DCP1B: variants seen among roughly 807,000 people sequenced by gnomAD.
The protein encoded by DCP1B is decapping mRNA 1B.
In DCP1B, 47 loss-of-function variants were observed where a neutral mutation model predicts 60.5. The observed-to-expected ratio is 0.78, with a 90% confidence interval of 0.61 to 0.99. The LOEUF (loss-of-function observed/expected upper bound fraction) is 0.99, where lower values mean the gene tolerates loss of function less well. Ranked by LOEUF, DCP1B falls within the 50% of genes least tolerant of loss-of-function variation. The pLI is 0.00. For missense variants in DCP1B, 725 were observed against 756.8 expected, an observed-to-expected ratio of 0.96 and a Z score of 0.49; for synonymous variants, 267 against 280.3, an observed-to-expected ratio of 0.95 and a Z score of 0.47.
intron 3 of DCP1B, among the ~76,000 whole-genome samples, chr12:1,988,740 T>A (rs1285563424): frequency 6.6e-6 from 1 of 152,232 alleles, no homozygotes; most frequent in African/African-American, 2.4e-5. Context: ...GCAACTTTTA[T>A]GAAGATGGCC....
chr12:1,955,852 A>AACG (rs1330207724), intron 5 of DCP1B, among the ~76,000 whole-genome samples: 267 of 152,346 alleles, frequency 1.8e-3, no homozygotes, highest in African/African-American at 6.0e-3. Flanking sequence ...TCTGTGCTTA[A>AACG]TATATTGACT....
At position 1,992,940 on chromosome 12, in the gene DCP1B, C is replaced by T. The variant is rs918937239; in HGVS notation, c.319+324G>A. The T allele has an allele frequency of 3.6e-5, 21 of 590,876 alleles. No individual in the cohort carries two copies. In the Admixed American group the frequency reaches 6.3e-4, roughly 18 times the overall value. The allele number at this position is 590,876 out of a possible 1,614,324, so 36.6% of individuals were successfully genotyped here. A position where few individuals can be genotyped will look rare whatever the true frequency, so the allele number is the denominator to read the frequency against. On this transcript the variant is annotated intron_variant, in intron 3 of 8. Coordinates refer to ENST00000280665, the MANE Select transcript of DCP1B (RefSeq NM_152640.5). ...CAGGGAGCCACCTATGTGTGTGTCT[C>T]TGCAGTCTCCTCACTAAGAACTTGC...
chr12:1,986,366 C>T (rs937630142), intron 3 of DCP1B, among the ~76,000 whole-genome samples: 1 of 152,174 alleles, frequency 6.6e-6, no homozygotes, highest in African/African-American at 2.4e-5. Flanking sequence ...CCCCAGTCTT[C>T]CGACTACAAA....
In DCP1B at chr12:1,962,189, G is replaced by T. The variant is rs911473489; in HGVS notation, c.522+3369C>A. On this transcript the variant is annotated intron_variant, in intron 5 of 8. Coordinates refer to ENST00000280665, the MANE Select transcript of DCP1B (RefSeq NM_152640.5). This position sits in a 1 kb window ranked among gnomAD's most constrained non-coding sequence, Gnocchi z 4.4. ...TAAACTGTATGAGTGGTCCCCAGTTGCTGGGTACCTGGCCCTGGGATGATT... is the reference window on the plus strand; with the variant it reads ...TAAACTGTATGAGTGGTCCCCAGTTTCTGGGTACCTGGCCCTGGGATGATT... 6.6e-6 allele frequency among the ~76,000 whole-genome samples: 1 copy of T among 152,156 alleles called. No individual in the cohort carries two copies. Among genetic ancestry groups the T allele is most frequent in the Non-Finnish European group, 1.5e-5 (1 of 68,038 alleles).
intron 3 of DCP1B, among the ~76,000 whole-genome samples, chr12:1,977,598 C>T (rs1350084058): frequency 1.3e-5 from 2 of 152,130 alleles, no homozygotes; most frequent in Admixed American, 1.3e-4. Context: ...TTATTTGGCA[C>T]CACAGAATAT....
At position 1,971,570 on chromosome 12, in the gene DCP1B, G is replaced by A. The variant is rs2032286780; in HGVS notation, c.320-3660C>T. On this transcript the variant is annotated intron_variant, in intron 3 of 8. Coordinates refer to ENST00000280665, the MANE Select transcript of DCP1B (RefSeq NM_152640.5). This position sits in a 1 kb window ranked among gnomAD's most constrained non-coding sequence, Gnocchi z 4.2. ...TAGGTCCACAAAGACAAGGCAGAGA[G>A]CAAGCTGATTATATTCAGTAGTGGT... 6.6e-6 allele frequency among the ~76,000 whole-genome samples: 1 copy of A among 152,176 alleles called. No homozygotes were observed. Among genetic ancestry groups the A allele is most frequent in the Non-Finnish European group, 1.5e-5 (1 of 68,034 alleles).
intron 7 of DCP1B, among the ~76,000 whole-genome samples, chr12:1,952,205 G>A (rs921241716): frequency 2.0e-5 from 3 of 151,910 alleles, no homozygotes; most frequent in Admixed American, 6.5e-5. Context: ...ACAGGGTCTC[G>A]CTCTGTCACC....
intron 5 of DCP1B, among the ~76,000 whole-genome samples, chr12:1,965,343 C>T (rs2031257435): frequency 6.6e-6 from 1 of 152,076 alleles, no homozygotes; most frequent in African/African-American, 2.4e-5. Context: ...TATATGAAGG[C>T]TACTGATTTC....
At chr12:1,987,795 C>G (rs1406121658) in intron 3 of DCP1B, among the ~76,000 whole-genome samples, 1 of 152,148 alleles carries the variant, frequency 6.6e-6, no homozygotes, top group African/African-American at 2.4e-5. Context: ...TTATGATTTG[C>G]AGAGCTACAT....
intron 1 of DCP1B, 145 bp downstream of exon 1, chr12:2,004,137 A>G (rs1593483573): frequency 8.7e-7 from 1 of 1,151,284 alleles, no homozygotes; most frequent in African/African-American, 1.6e-5. Flanking sequence ...CCCCATCTCC[A>G]CAACTTCGGC....
chr12:1,983,202 G>T (rs1593051205), intron 3 of DCP1B, among the ~76,000 whole-genome samples: 2 of 148,496 alleles, frequency 1.3e-5, no homozygotes, highest in East Asian at 2.0e-4. Context: ...TCAGGTTTTG[G>T]TTTCACTAAT....
At chr12:1,965,485 G>T in intron 5 of DCP1B, 73 bp downstream of exon 5, 1 of 1,480,200 alleles carries the variant, frequency 6.8e-7, no homozygotes, top group South Asian at 1.5e-5. Flanking sequence ...ACAGTACCTA[G>T]TCTTGCTAAA....
chr12:1,954,402 A>T (rs140239205), intron 6 of DCP1B, among the ~76,000 whole-genome samples: 4,144 of 152,296 alleles, frequency 0.027, 95 homozygotes, highest in Middle Eastern at 0.054. Context: ...CAAAATTGAT[A>T]TAAACTAATT....
intron 2 of DCP1B, among the ~76,000 whole-genome samples, chr12:1,994,079 A>G (rs780360146): frequency 4.6e-5 from 7 of 152,260 alleles, no homozygotes; most frequent in Non-Finnish European, 8.8e-5. Flanking sequence ...ATTTCACTCA[A>G]TAAACCTTGA....
At chr12:1,970,082 T>C (rs964720987) in intron 3 of DCP1B, among the ~76,000 whole-genome samples, 3 of 152,172 alleles carry the variant, frequency 2.0e-5, no homozygotes, top group African/African-American at 4.8e-5. Flanking sequence ...TTTGCGGCAT[T>C]TGACATAAGG....
At chr12:1,984,803 G>GAATT (rs2037203547) in intron 3 of DCP1B, among the ~76,000 whole-genome samples, 1 of 115,956 alleles carries the variant, frequency 8.6e-6, no homozygotes. Flanking sequence ...AAAAAAAAAG[G>GAATT]TTCTTTTTAT....
intron 3 of DCP1B, chr12:1,991,399 G>A: frequency 4.1e-6 from 1 of 245,462 alleles, no homozygotes. Flanking sequence ...AATATGAGGG[G>A]AACCACGAAC....
chr12:1,949,726 C>T (rs2030589529), intron 7 of DCP1B, among the ~76,000 whole-genome samples: 1 of 152,218 alleles, frequency 6.6e-6, no homozygotes, highest in South Asian at 2.1e-4. Context: ...TCCCCATTTC[C>T]CCTCCTGACC....
chr12:1,967,739 G>T, intron 4 of DCP1B, 105 bp downstream of exon 4: 1 of 924,208 alleles, frequency 1.1e-6, no homozygotes, highest in Non-Finnish European at 1.7e-6. Context: ...GAAAAGGACT[G>T]CTATGGGAGA....
Sources: gnomAD v4.1 joint callset for allele counts (sites outside exome capture counted in the v4.1 genomes callset) on GRCh38, gnomAD v4.1.1 for gene constraint, Gnocchi (gnomAD v3.1) non-coding constraint, MANE v1.5 for transcripts, NCBI Gene and HGNC (gene_info 2026-07-23, HGNC 2026-07-21) for gene names.